ENTREP1: variants seen among roughly 807,000 people sequenced by gnomAD.
ENTREP1 encodes Friedreich ataxia region gene X123.
the ENTREP1 span, chr9:69,325,798 C>G: frequency 3.3e-6 from 4 of 1,211,562 alleles, no homozygotes; most frequent in Non-Finnish European, 4.1e-6. Context: ...TCTCCATTGC[C>G]CCTTTGTTGG....
At chr9:69,358,778 GA>G in the ENTREP1 span, among the ~76,000 whole-genome samples, 1 of 151,770 alleles carries the variant, frequency 6.6e-6, no homozygotes, top group Non-Finnish European at 1.5e-5. Flanking sequence ...TAACATTTAG[GA>G]AAAATATATG....
At chr9:69,338,046 C>T in the ENTREP1 span, among the ~76,000 whole-genome samples, 1 of 152,060 alleles carries the variant, frequency 6.6e-6, no homozygotes, top group African/African-American at 2.4e-5. Flanking sequence ...AAAAACTAAC[C>T]TGAAGTGTTT....
At chr9:69,384,903 T>C in the ENTREP1 span, among the ~76,000 whole-genome samples, 2 of 151,756 alleles carry the variant, frequency 1.3e-5, no homozygotes, top group Admixed American at 1.3e-4. Context: ...TTTTTCCATT[T>C]TTTTTTTTTT....
the ENTREP1 span, among the ~76,000 whole-genome samples, chr9:69,366,329 G>A: frequency 6.7e-6 from 1 of 148,744 alleles, no homozygotes; most frequent in Non-Finnish European, 1.5e-5. Context: ...ATCTTCTTTT[G>A]AGAAATGTCT....
At chr9:69,377,288 T>C in the ENTREP1 span, 2 of 872,284 alleles carry the variant, frequency 2.3e-6, no homozygotes, top group African/African-American at 1.7e-5. Flanking sequence ...GGCAGCGTTA[T>C]TATTATTTTA....
chr9:69,391,885 C>CT, the ENTREP1 span: 1 of 1,358,284 alleles, frequency 7.4e-7, no homozygotes, highest in Non-Finnish European at 1.0e-6. Flanking sequence ...TGTGGTCCAC[C>CT]TCAAAAAAAA....
the ENTREP1 span, among the ~76,000 whole-genome samples, chr9:69,364,887 T>G: frequency 6.6e-6 from 1 of 152,010 alleles, no homozygotes; most frequent in Non-Finnish European, 1.5e-5. Context: ...TTTGCAGGAG[T>G]GGCATTCTAA....
chr9:69,362,250 C>A, the ENTREP1 span, among the ~76,000 whole-genome samples: 1 of 151,958 alleles, frequency 6.6e-6, no homozygotes, highest in East Asian at 1.9e-4. Flanking sequence ...TCAAACAATA[C>A]CAAGCTGTGA....
chr9:69,360,793 C>T, the ENTREP1 span, among the ~76,000 whole-genome samples: 1 of 151,982 alleles, frequency 6.6e-6, no homozygotes, highest in Admixed American at 6.6e-5. Flanking sequence ...TCCATAGCTT[C>T]TTTTTTTCCC....
the ENTREP1 span, chr9:69,329,471 A>G: frequency 1.0e-6 from 1 of 983,146 alleles, no homozygotes; most frequent in Non-Finnish European, 1.2e-6. Context: ...CTATTTTAAA[A>G]AACACTTAAG....
chr9:69,386,962 A>G, the ENTREP1 span: 1 of 152,168 alleles, frequency 6.6e-6, no homozygotes, highest in African/African-American at 2.4e-5. Flanking sequence ...CCTACACCCT[A>G]CCTGGCAAGT....
At chr9:69,356,533 A>G in the ENTREP1 span, among the ~76,000 whole-genome samples, 1 of 152,196 alleles carries the variant, frequency 6.6e-6, no homozygotes, top group Non-Finnish European at 1.5e-5. Context: ...TTGAGAAGCT[A>G]AGAGCAGCAA....
At chr9:69,327,634 G>GAAAAGAA in the ENTREP1 span, among the ~76,000 whole-genome samples, 1 of 150,432 alleles carries the variant, frequency 6.6e-6, no homozygotes, top group African/African-American at 2.4e-5. Context: ...GAAAAGAAAA[G>GAAAAGAA]AAAAAAAAAG....
the ENTREP1 span, chr9:69,391,611 C>A: frequency 8.7e-6 from 14 of 1,614,014 alleles, no homozygotes; most frequent in Non-Finnish European, 1.1e-5. Context: ...ATAATGGCCC[C>A]ATTGCAGCCC....
the ENTREP1 span, among the ~76,000 whole-genome samples, chr9:69,369,711 G>C: frequency 6.6e-6 from 1 of 151,734 alleles, no homozygotes; most frequent in Admixed American, 6.6e-5. Flanking sequence ...ACTTGGTTTT[G>C]TCAGTCTTTT....
At chr9:69,367,743 AC>A in the ENTREP1 span, among the ~76,000 whole-genome samples, 3 of 64,510 alleles carry the variant, frequency 4.7e-5, no homozygotes, top group African/African-American at 7.1e-5. Flanking sequence ...ATATATATAC[AC>A]ATATATAAAT....
chr9:69,377,744 G>A, the ENTREP1 span: 3 of 1,610,316 alleles, frequency 1.9e-6, no homozygotes, highest in Non-Finnish European at 2.5e-6. Flanking sequence ...ATGAACCGCA[G>A]GTATCGTTCC....
At chr9:69,353,534 T>A in the ENTREP1 span, among the ~76,000 whole-genome samples, 3 of 152,256 alleles carry the variant, frequency 2.0e-5, no homozygotes, top group African/African-American at 7.2e-5. Flanking sequence ...ATCACCATAA[T>A]AACATGATCA....
the ENTREP1 span, among the ~76,000 whole-genome samples, chr9:69,359,843 G>A: frequency 6.6e-6 from 1 of 152,142 alleles, no homozygotes; most frequent in Non-Finnish European, 1.5e-5. Context: ...ACAGAGAGAT[G>A]GCCATAGTTC....
Sources: gnomAD v4.1 joint callset for allele counts (sites outside exome capture counted in the v4.1 genomes callset) on GRCh38, gnomAD v4.1.1 for gene constraint, MANE v1.5 for transcripts, NCBI Gene and HGNC (gene_info 2026-07-23, HGNC 2026-07-21) for gene names.